PTPRG: variants seen among roughly 807,000 people sequenced by gnomAD.
The protein encoded by PTPRG is protein tyrosine phosphatase receptor type G, also known as receptor-type tyrosine-protein phosphatase gamma.
PTPRG carries 102 observed loss-of-function variants against 165.3 expected under a neutral mutation model. The observed-to-expected ratio is 0.62, with a 90% CI of 0.53 to 0.73. The LOEUF (loss-of-function observed/expected upper bound fraction) is 0.73, where lower values mean the gene tolerates loss of function less well. Among genes scored for constraint, PTPRG ranks in the 30% least tolerant of loss-of-function variants. The pLI, the probability that PTPRG is intolerant of heterozygous loss-of-function variation, is 0.00. For missense variants in PTPRG, 1,866 were observed against 1,861.4 expected (o/e 1.00, Z -0.05); for synonymous variants, 675 against 669.5 (o/e 1.01, Z -0.13).
chr3:61,797,474 T>TA (rs1047624834), intron 2 of PTPRG, among the ~76,000 whole-genome samples: 12 of 152,042 alleles, frequency 7.9e-5, no homozygotes, highest in Non-Finnish European at 1.2e-4. Context: ...AAAATGTTGA[T>TA]ACAAACATCA....
intron 28 of PTPRG, among the ~76,000 whole-genome samples, chr3:62,285,398 G>T (rs1702604588): frequency 1.3e-5 from 2 of 151,948 alleles, no homozygotes; most frequent in Non-Finnish European, 1.5e-5. Context: ...GGCTTGGAGA[G>T]AAGGCCTGCA....
chr3:61,995,836 C>G (rs1326163011), intron 3 of PTPRG, among the ~76,000 whole-genome samples: 1 of 151,712 alleles, frequency 6.6e-6, no homozygotes, highest in Non-Finnish European at 1.5e-5. Context: ...GTGGTGCAAT[C>G]TCTGCTCACT....
chr3:61,753,059 C>T (rs529716711), intron 2 of PTPRG, among the ~76,000 whole-genome samples: 1 of 152,148 alleles, frequency 6.6e-6, no homozygotes, highest in South Asian at 2.1e-4. Flanking sequence ...ATTGAGGAAC[C>T]TGGAGATATG....
At chr3:61,746,657 C>G (rs753685003) in intron 1 of PTPRG, among the ~76,000 whole-genome samples, 8 of 152,046 alleles carry the variant, frequency 5.3e-5, no homozygotes, top group Non-Finnish European at 8.8e-5. Context: ...GCCAGTGTGC[C>G]CATACCTGAA....
At chr3:61,785,940 C>A (rs1011880650) in intron 2 of PTPRG, among the ~76,000 whole-genome samples, 1 of 152,148 alleles carries the variant, frequency 6.6e-6, no homozygotes, top group African/African-American at 2.4e-5. Flanking sequence ...GATTCCTATA[C>A]TTCCCTGGGC....
chr3:62,058,453 C>A (rs1195112909), intron 4 of PTPRG, among the ~76,000 whole-genome samples: 1 of 152,012 alleles, frequency 6.6e-6, no homozygotes, highest in Non-Finnish European at 1.5e-5. Flanking sequence ...TTACATGAGC[C>A]ACTGCACCCA....
At chr3:61,672,194 G>C (rs1306831797) in intron 1 of PTPRG, among the ~76,000 whole-genome samples, 2 of 135,280 alleles carry the variant, frequency 1.5e-5, no homozygotes, top group African/African-American at 5.6e-5. Flanking sequence ...TCACTTCCTA[G>C]ATGGGATGGC....
At chr3:61,600,805 T>C (rs904440455) in intron 1 of PTPRG, among the ~76,000 whole-genome samples, 2 of 152,188 alleles carry the variant, frequency 1.3e-5, no homozygotes, top group East Asian at 3.9e-4. Flanking sequence ...TGTCCCAAAG[T>C]GCTGGGATTA....
chr3:61,562,212 A>T lies in PTPRG; in HGVS notation c.-76A>T. ...CCGGGGAAGCGCCCCGGCTTAGCGG[A>T]GGCTCGCACGGAGGCAAGAACTTAT... On this transcript the variant is annotated 5_prime_UTR_variant, in exon 1 of 30. Coordinates refer to ENST00000474889, the MANE Select transcript of PTPRG (RefSeq NM_002841.4). The T allele has an allele frequency of 7.4e-7, 1 of 1,342,360 alleles. No homozygotes were observed. The highest frequency in any genetic ancestry group is 1.7e-5 in the Admixed American group (1 of 58,136). 83.2% of individuals were successfully genotyped at this position (1,342,360 alleles called of 1,614,324 possible). A position where few individuals can be genotyped will look rare whatever the true frequency, so the allele number is the denominator to read the frequency against.
chr3:61,573,803 G>A (rs980425137), intron 1 of PTPRG, among the ~76,000 whole-genome samples: 1 of 152,096 alleles, frequency 6.6e-6, no homozygotes, highest in Admixed American at 6.6e-5. Flanking sequence ...TTTGTATATT[G>A]TGTCTTAAGA....
chr3:61,779,080 G>A (rs990749251), intron 2 of PTPRG, among the ~76,000 whole-genome samples: 1 of 152,068 alleles, frequency 6.6e-6, no homozygotes, highest in African/African-American at 2.4e-5. Flanking sequence ...ACACACACAC[G>A]TTCTAAGGGA....
intron 4 of PTPRG, among the ~76,000 whole-genome samples, chr3:62,062,967 T>G (rs1328197436): frequency 6.6e-6 from 1 of 152,226 alleles, no homozygotes; most frequent in Non-Finnish European, 1.5e-5. Context: ...TTTGTGGCAT[T>G]CTTACTTGCC....
chr3:61,954,772 A>G (rs2039995280), intron 2 of PTPRG, among the ~76,000 whole-genome samples: 2 of 152,232 alleles, frequency 1.3e-5, no homozygotes, highest in South Asian at 2.1e-4. Context: ...TGGTGATATT[A>G]TGGGAATTCT....
chr3:61,718,997 A>G (rs1490766007), intron 1 of PTPRG, among the ~76,000 whole-genome samples: 1 of 152,202 alleles, frequency 6.6e-6, no homozygotes, highest in Non-Finnish European at 1.5e-5. Flanking sequence ...CAATCCATCA[A>G]GAATGGTACA....
intron 1 of PTPRG, among the ~76,000 whole-genome samples, chr3:61,645,167 T>C (rs1187639221): frequency 6.6e-6 from 1 of 152,208 alleles, no homozygotes; most frequent in East Asian, 1.9e-4. Context: ...AGTTACCAAA[T>C]ATTGACAATG....
At chr3:61,738,552 T>TA (rs1559583676) in intron 1 of PTPRG, among the ~76,000 whole-genome samples, 2 of 142,066 alleles carry the variant, frequency 1.4e-5, no homozygotes, top group Non-Finnish European at 3.1e-5. Flanking sequence ...ATGAATCTGC[T>TA]TTTTTTTTTT....
intron 2 of PTPRG, among the ~76,000 whole-genome samples, chr3:61,760,058 A>C (rs1035115163): frequency 2.6e-5 from 4 of 152,178 alleles, no homozygotes; most frequent in African/African-American, 9.6e-5. Flanking sequence ...AAAGTGGGCC[A>C]GTTTAAAGAA....
intron 2 of PTPRG, among the ~76,000 whole-genome samples, chr3:61,801,498 G>A (rs191717727): frequency 1.3e-5 from 2 of 151,890 alleles, no homozygotes; most frequent in African/African-American, 4.8e-5. Context: ...GTGGAGGGGG[G>A]AAGAAAGGGG....
intron 1 of PTPRG, 59 bp from the exon 2 acceptor site, chr3:61,748,819 C>A: frequency 1.4e-6 from 2 of 1,408,028 alleles, no homozygotes; most frequent in East Asian, 2.3e-5. Context: ...CATTTGACAC[C>A]CTTCCTGTAT....
Sources: allele counts gnomAD v4.1 joint callset (sites outside exome capture counted in the v4.1 genomes callset), GRCh38; gene constraint gnomAD v4.1.1; transcripts MANE v1.5; gene names NCBI Gene and HGNC (gene_info 2026-07-23, HGNC 2026-07-21).